The following GSDME variants were observed in gnomAD, a reference collection of about 807,000 sequenced individuals.
GSDME encodes gasdermin-E.
GSDME carries 44 observed loss-of-function variants against 47.5 expected under a neutral mutation model. The ratio of observed to expected loss-of-function variants is 0.93; its 90% CI spans 0.73 to 1.19. The LOEUF is 1.19. Among genes scored for constraint, GSDME ranks in the 50% most tolerant of loss-of-function variants. The pLI, the probability that GSDME is intolerant of heterozygous loss-of-function variation, is 0.00. For synonymous variants in GSDME, 258 were observed against 252.8 expected, an observed-to-expected ratio of 1.02 and a Z score of -0.20; for missense variants, 663 against 604.2, an observed-to-expected ratio of 1.10 and a Z score of -1.02.
chr7:24,726,511 T>G lies in GSDME; in HGVS notation c.405-7293A>C, dbSNP rs929841287. Among the ~76,000 whole-genome samples, 4 of 152,116 alleles carry G rather than the reference T, an allele frequency of 2.6e-5. No homozygotes were observed. Among genetic ancestry groups the G allele is most frequent in the African/African-American group, 9.7e-5 (4 of 41,422 alleles). On this transcript the variant is annotated intron_variant, in intron 3 of 9. Transcript: ENST00000645220. The surrounding 1 kb of genome is among the most constrained non-coding windows in gnomAD (Gnocchi z 5.6). ...GCAGCCACCACTAGCAGGGTCCTCTTACACAAAAACCCTTGATAGTAACAA... is the reference window on the plus strand; with the variant it reads ...GCAGCCACCACTAGCAGGGTCCTCTGACACAAAAACCCTTGATAGTAACAA...
Position 24,726,700 on chromosome 7 carries a change from G to A in GSDME, c.405-7482C>T, listed in dbSNP as rs555650285. Among the ~76,000 whole-genome samples, 6 of 152,130 alleles carry A rather than the reference G, an allele frequency of 3.9e-5. No homozygotes were observed. Among genetic ancestry groups the A allele is most frequent in the South Asian group, 2.1e-4 (1 of 4,812 alleles). On this transcript the variant is annotated intron_variant, in intron 3 of 9. Coordinates refer to ENST00000645220, the MANE Select transcript of GSDME (RefSeq NM_001127453.2). This position sits in a 1 kb window ranked among gnomAD's most constrained non-coding sequence, Gnocchi z 5.6. ...CAGCCCGGCATAGTCCTGGCTACTC[G>A]GGAGGCTGAGGCAGAAGAATGGCGT...
chr7:24,766,004 T>G, the GSDME span, among the ~76,000 whole-genome samples: 1 of 152,160 alleles, frequency 6.6e-6, no homozygotes, highest in Non-Finnish European at 1.5e-5. The surrounding 1 kb of genome is among the most constrained non-coding windows in gnomAD (Gnocchi z 4.2). Flanking sequence ...GGGGAAGACA[T>G]CAAACATTTA....
intron 5 of GSDME, among the ~76,000 whole-genome samples, chr7:24,715,959 T>C (rs1419979445): frequency 6.6e-6 from 1 of 152,208 alleles, no homozygotes; most frequent in Non-Finnish European, 1.5e-5. Flanking sequence ...CTAGGGATCC[T>C]CAACACCCTT....
chr7:24,706,148 G>C (rs1001000951), intron 8 of GSDME, 36 bp downstream of exon 8: 1 of 1,610,882 alleles, frequency 6.2e-7, no homozygotes, highest in Non-Finnish European at 8.5e-7. Context: ...TTTTAAAGCA[G>C]CAGCAGCCAT....
intron 9 of GSDME, among the ~76,000 whole-genome samples, chr7:24,699,756 C>T (rs1788786008): frequency 6.6e-6 from 1 of 152,172 alleles, no homozygotes; most frequent in Non-Finnish European, 1.5e-5. Context: ...TGTCTAGTGT[C>T]CTCTGTCTGA....
chr7:24,702,940 CAGGCA>C (rs1788934935), intron 8 of GSDME, 107 bp from the exon 9 acceptor site: 2 of 889,946 alleles, frequency 2.2e-6, no homozygotes, highest in Admixed American at 4.0e-5. Flanking sequence ...TCCCGCCAGC[CAGGCA>C]GGGGAGGTAC....
At chr7:24,718,354 C>G (rs1468049245) in intron 4 of GSDME, among the ~76,000 whole-genome samples, 1 of 152,248 alleles carries the variant, frequency 6.6e-6, no homozygotes, top group Non-Finnish European at 1.5e-5. Flanking sequence ...TGATGGCCAC[C>G]TAGTCCATTG....
chr7:24,729,254 T>A (rs538392298), intron 3 of GSDME, among the ~76,000 whole-genome samples: 1 of 152,258 alleles, frequency 6.6e-6, no homozygotes, highest in Non-Finnish European at 1.5e-5. Flanking sequence ...GCTCTGTGCA[T>A]AGAAGTTGGA....
At chr7:24,778,326 C>G in the GSDME span, among the ~76,000 whole-genome samples, 1 of 152,026 alleles carries the variant, frequency 6.6e-6, no homozygotes, top group African/African-American at 2.4e-5. This position sits in a 1 kb window ranked among gnomAD's most constrained non-coding sequence, Gnocchi z 5.6. Context: ...GGCCAGGGAG[C>G]TTCAGACCTC....
rs1789802984 is a variant in GSDME, at chr7:24,721,899, G to T, written c.405-2681C>A. On this transcript the variant is annotated intron_variant, in intron 3 of 9. Transcript: ENST00000645220. The surrounding 1 kb of genome is among the most constrained non-coding windows in gnomAD (Gnocchi z 4.1). ...AATGCCAGGTGTGTGCCTACCCCGAGGCGTTGGCACACATTCCCTGATGGC... is the reference window on the plus strand; with the variant it reads ...AATGCCAGGTGTGTGCCTACCCCGATGCGTTGGCACACATTCCCTGATGGC... Among the ~76,000 whole-genome samples the T allele has an allele frequency of 6.6e-6, 1 of 152,264 alleles. No individual in the cohort carries two copies. Among genetic ancestry groups the T allele is most frequent in the Admixed American group, 6.5e-5 (1 of 15,304 alleles).
chr7:24,756,213 A>C lies in GSDME; in HGVS notation c.-20+1183T>G, dbSNP rs554652617. 9.2e-5 allele frequency among the ~76,000 whole-genome samples: 14 copies of C among 152,314 alleles called. No individual in the cohort carries two copies. The highest frequency in any genetic ancestry group is 5.9e-4 in the Admixed American group (9 of 15,300). ...GTAACAGAGGGCAGTCTGGGTAAGA[A>C]TAGAGAAGATGCGGTGTGGTGGCAG... On this transcript the variant is annotated intron_variant, in intron 1 of 9. Coordinates refer to ENST00000645220, the MANE Select transcript of GSDME (RefSeq NM_001127453.2). This position sits in a 1 kb window ranked among gnomAD's most constrained non-coding sequence, Gnocchi z 4.2.
chr7:24,778,092 A>G, the GSDME span, among the ~76,000 whole-genome samples: 1 of 151,066 alleles, frequency 6.6e-6, no homozygotes, highest in Non-Finnish European at 1.5e-5. This position sits in a 1 kb window ranked among gnomAD's most constrained non-coding sequence, Gnocchi z 5.6. Flanking sequence ...GGAGGGAGAG[A>G]GAGAGAGAGA....
At position 24,749,715 on chromosome 7, in the gene GSDME, A is replaced by G; in HGVS notation, c.60T>C (p.Ile20=). Residue 20 remains isoleucine (I), a synonymous_variant, in exon 2 of 10, where the codon ATT becomes ATC. Transcript: ENST00000645220. ...CAGAGTCATTCAGATTTGATACTGC[A>G]ATCAGGTCACCATCAGCATCAACTT... is the stretch of plus-strand genomic sequence containing the variant. ...LREVDADGDL[I]AVSNLNDSDK... 1 of 1,614,154 alleles carries G rather than the reference A, an allele frequency of 6.2e-7. No individual in the cohort carries two copies. Among genetic ancestry groups the G allele is most frequent in the Non-Finnish European group, 8.5e-7 (1 of 1,179,984 alleles).
At chr7:24,707,411 C>T in intron 7 of GSDME, 3 of 471,648 alleles carry the variant, frequency 6.4e-6, no homozygotes, top group Non-Finnish European at 1.3e-5. Context: ...TTGACCTCCC[C>T]AGGATATCCT....
intron 3 of GSDME, among the ~76,000 whole-genome samples, chr7:24,740,062 C>T (rs999898195): frequency 3.3e-5 from 5 of 150,328 alleles, no homozygotes; most frequent in Middle Eastern, 3.4e-3. Context: ...CACTGCACTC[C>T]AGCCTGGGTG....
At chr7:24,748,405 G>T (rs1273767905) in intron 2 of GSDME, among the ~76,000 whole-genome samples, 1 of 150,946 alleles carries the variant, frequency 6.6e-6, no homozygotes, top group East Asian at 2.0e-4. Flanking sequence ...TAATCCACCA[G>T]CCTCGGCCTC....
the GSDME span, among the ~76,000 whole-genome samples, chr7:24,768,322 G>A: frequency 5.9e-5 from 9 of 152,276 alleles, no homozygotes; most frequent in Admixed American, 2.6e-4. This position sits in a 1 kb window ranked among gnomAD's most constrained non-coding sequence, Gnocchi z 5.6. Flanking sequence ...TTTAGCATAG[G>A]GGGAGAGGGA....
the GSDME span, among the ~76,000 whole-genome samples, chr7:24,780,910 C>T: frequency 2.6e-5 from 4 of 152,180 alleles, no homozygotes; most frequent in African/African-American, 7.2e-5. This position sits in a 1 kb window ranked among gnomAD's most constrained non-coding sequence, Gnocchi z 4.1. Context: ...CCAGCCCCTA[C>T]CCTCAGAAGG....
intron 1 of GSDME, among the ~76,000 whole-genome samples, chr7:24,755,867 C>A (rs907329754): frequency 2.0e-5 from 3 of 152,186 alleles, no homozygotes; most frequent in Admixed American, 6.5e-5. Flanking sequence ...CATTTCCTTT[C>A]TATCTGGGGA....
Sources: gnomAD v4.1 joint callset for allele counts (sites outside exome capture counted in the v4.1 genomes callset) on GRCh38, gnomAD v4.1.1 for gene constraint, Gnocchi (gnomAD v3.1) non-coding constraint, MANE v1.5 for transcripts, NCBI Gene and HGNC (gene_info 2026-07-23, HGNC 2026-07-21) for gene names.